DALRD3: variants seen among roughly 807,000 people sequenced by gnomAD.
DALRD3 encodes DALR anticodon-binding domain-containing protein 3.
A neutral mutation model predicts 56.7 loss-of-function variants in DALRD3; 47 were observed. The observed-to-expected ratio is 0.83, with a 90% CI of 0.66 to 1.06. DALRD3 has a LOEUF of 1.06. DALRD3 is among the 50% of genes least tolerant of loss of function. The probability of loss-of-function intolerance (pLI) is 0.00; values close to 1 mark genes in which losing one functional copy is unlikely to be tolerated. For synonymous variants in DALRD3, 347 were observed against 308.5 expected (o/e 1.12, Z -1.31); for missense variants, 787 against 724.0 (o/e 1.09, Z -1.00).
rs202009033 is a variant in DALRD3 at position 49,018,556 on chromosome 3, G to A, written c.9C>T (p.Thr3=). 1.5e-5 allele frequency: 23 copies of A among 1,571,202 alleles called. No homozygotes were observed. The African/African-American group carries it at 3.0e-4, about 21-fold the overall frequency. Residue 3 remains threonine, a synonymous_variant, in exon 1 of 12, where the codon ACC becomes ACT. Transcript: ENST00000341949. Reference sequence around the variant, plus strand: ...GCGTCTCCCCGACCCCAAGGCGCCTGGTCGCCATGGTGACCGGAAGGAGTA... The same window carrying A: ...GCGTCTCCCCGACCCCAAGGCGCCTAGTCGCCATGGTGACCGGAAGGAGTA... MA[T]RRLGVGETLG... is the part of the protein sequence containing the mutation.
At chr3:49,017,551 A>G in intron 3 of DALRD3, 38 bp from the exon 4 acceptor site, 1 of 1,614,180 alleles carries the variant, frequency 6.2e-7, no homozygotes, top group Non-Finnish European at 8.5e-7. Context: ...ACTGACAAGA[A>G]GCAGAGATGT....
upstream of DALRD3, chr3:49,020,651 G>A (rs780081963): frequency 2.0e-6 from 1 of 490,322 alleles, no homozygotes; most frequent in Admixed American, 2.2e-5. Flanking sequence ...TCCAAGCGCA[G>A]CTGGAATGCT....
In DALRD3 at chr3:49,016,823, TC is replaced by T; in HGVS notation, c.951del (p.Val319Ter). On this transcript the variant is annotated frameshift_variant, in exon 6 of 12. Coordinates refer to ENST00000341949, the MANE Select transcript of DALRD3 (RefSeq NM_001009996.3). LOFTEE classifies it high-confidence loss of function. ...LRQKHLICGP[V>X]KVAGAPGTLM... Reference sequence around the variant, plus strand: ...AGAGTGCCAGGTGCACCAGCTACTTTCACAGGGCCACAGATGAGGTGCTTCT... The same window carrying T: ...AGAGTGCCAGGTGCACCAGCTACTTTACAGGGCCACAGATGAGGTGCTTCT... 6.2e-7 allele frequency: 1 copy of T among 1,614,188 alleles called. No homozygotes were observed. The highest frequency in any genetic ancestry group is 1.1e-5 in the South Asian group (1 of 91,086).
rs762619897 is a variant in DALRD3, at chr3:49,015,722, G to C, written c.1513-15C>G. 106 of 1,613,916 alleles carry C rather than the reference G, an allele frequency of 6.6e-5. 1 individual carries two copies. The highest frequency in any genetic ancestry group is 7.9e-5 in the Non-Finnish European group (93 of 1,180,002). ...GGTCGAGGCTCCTGAAAGAGAAAGG[G>C]CCTGCTGGTCTCATCCTCTGCTTCC... On this transcript the variant is annotated splice_polypyrimidine_tract_variant and intron_variant, in intron 11 of 11. Transcript: ENST00000341949.
upstream of DALRD3, chr3:49,018,911 A>T: frequency 1.0e-6 from 1 of 985,472 alleles, no homozygotes; most frequent in Non-Finnish European, 1.2e-6. Flanking sequence ...TTTTAATAAC[A>T]TTTCATTTCT....
intron 11 of DALRD3, 28 bp from the exon 12 acceptor site, chr3:49,015,735 ATCC>A: frequency 6.2e-7 from 1 of 1,614,126 alleles, no homozygotes; most frequent in South Asian, 1.1e-5. Flanking sequence ...TGCTGGTCTC[ATCC>A]TCTGCTTCCT....
In DALRD3 at chr3:49,015,567, G is replaced by C; in HGVS notation, c.*21C>G. The C allele has an allele frequency of 6.2e-7, 1 of 1,611,494 alleles. No homozygotes were observed. The highest frequency in any genetic ancestry group is 8.5e-7 in the Non-Finnish European group (1 of 1,179,116). On this transcript the variant is annotated 3_prime_UTR_variant, in exon 12 of 12. Transcript: ENST00000341949. The stretch of plus-strand genomic sequence containing the variant: ...GTTGATGACTTTGTGAACATTCCCA[G>C]GTATTGGAGCCTCTGTGGCCTTAAA...
rs773466982 is a variant in DALRD3 at position 49,016,037 on chromosome 3, A to G, written c.1379T>C (p.Leu460Pro). The change falls in exon 10 of 12, where the codon CTG (leucine) becomes CCG (proline). Residue 460 changes from leucine to proline, a missense_variant. Physicochemically the swap from Leu to Pro is moderately conservative, Grantham distance 98 (BLOSUM62 -3). Coordinates refer to ENST00000341949, the MANE Select transcript of DALRD3 (RefSeq NM_001009996.3). ...GCAGTCCAGCACTGCTGTCCGGCTC[A>G]GCAGATCCGGAAAGGGGAGGATACT... The part of the protein sequence containing the change: ...FNSILPFPDL[L>P]SRTAVLDCTA... 1.9e-6 allele frequency: 3 copies of G among 1,601,822 alleles called. No homozygotes were observed. Among genetic ancestry groups the G allele is most frequent in the Non-Finnish European group, 2.6e-6 (3 of 1,171,508 alleles).
intron 8 of DALRD3, 43 bp from the exon 9 acceptor site, chr3:49,016,383 C>T: frequency 6.2e-7 from 1 of 1,604,616 alleles, no homozygotes; most frequent in Non-Finnish European, 8.5e-7. Context: ...AGGCAGCCAC[C>T]ACACCCTGTG....
chr3:49,017,003 A>G (rs2106730753), intron 5 of DALRD3, 156 bp from the exon 6 acceptor site: 2 of 989,460 alleles, frequency 2.0e-6, no homozygotes, highest in East Asian at 2.6e-5. Flanking sequence ...CAGGCTACGC[A>G]TGGTTCATCC....
At chr3:49,019,814 G>A (rs947886601), upstream of DALRD3, among the ~76,000 whole-genome samples, 1 of 152,202 alleles carries the variant, frequency 6.6e-6, no homozygotes, top group Non-Finnish European at 1.5e-5. Context: ...TTAACCTGGT[G>A]TGCTTTAACA....
chr3:49,016,020 G>T lies in DALRD3; in HGVS notation c.1396C>A (p.Leu466Met), dbSNP rs1169800566. The change falls in exon 10 of 12, where the codon CTG becomes ATG. Residue 466 changes from leucine to methionine, a missense_variant. By Grantham distance (15) the Leu-to-Met change is conservative. Transcript: ENST00000341949. ...FPDLLSRTAV[L>M]DCTAPGLHIA... Reference sequence around the variant, plus strand: ...TGGAGCCCCGGGGCTGTGCAGTCCAGCACTGCTGTCCGGCTCAGCAGATCC... The same window carrying T: ...TGGAGCCCCGGGGCTGTGCAGTCCATCACTGCTGTCCGGCTCAGCAGATCC... 6.2e-7 allele frequency: 1 copy of T among 1,606,208 alleles called. No individual in the cohort carries two copies. Among genetic ancestry groups the T allele is most frequent in the East Asian group, 2.2e-5 (1 of 44,760 alleles).
In DALRD3 at chr3:49,018,045, C is replaced by G; in HGVS notation, c.439G>C (p.Ala147Pro). The change falls in exon 2 of 12, where the codon GCG becomes CCG. Residue 147 changes from alanine (A) to proline (P), a missense_variant. Ala to Pro is a conservative substitution (Grantham distance 27). Coordinates refer to ENST00000341949, the MANE Select transcript of DALRD3 (RefSeq NM_001009996.3). ...LRTVLVADHL[A>P]RALRAHGVCV... Reference sequence around the variant, plus strand: ...CACCCGTGAGCGCGCAGGGCTCGCGCCAGGTGATCGGCCACGAGCACCGTA... The same window carrying G: ...CACCCGTGAGCGCGCAGGGCTCGCGGCAGGTGATCGGCCACGAGCACCGTA... 1.3e-6 allele frequency: 2 copies of G among 1,489,292 alleles called. No homozygotes were observed. Among genetic ancestry groups the G allele is most frequent in the Non-Finnish European group, 1.8e-6 (2 of 1,130,170 alleles). 92.3% of individuals were successfully genotyped at this position (1,489,292 alleles called of 1,614,324 possible). A position where few individuals can be genotyped will look rare whatever the true frequency, so the allele number is the denominator to read the frequency against.
In DALRD3 at chr3:49,016,193, CAGGAGGAA is replaced by C. The variant is rs1403471048; in HGVS notation, c.1286_1293del (p.Phe429CysfsTer11). On this transcript the variant is annotated frameshift_variant, in exon 9 of 12. Coordinates refer to ENST00000341949, the MANE Select transcript of DALRD3 (RefSeq NM_001009996.3). LOFTEE classifies it high-confidence loss of function. ...AGCAGTGAGAAGTCCAGACTGCTCA[CAGGAGGAA>C]AAGTGGGGTACAGACCTTGTTCCAT... 1.9e-6 allele frequency: 3 copies of C among 1,614,018 alleles called. No individual in the cohort carries two copies. The African/African-American group carries it at 4.0e-5, about 22-fold the overall frequency.
At chr3:49,017,042 G>T (rs2093090405) in intron 5 of DALRD3, 186 bp downstream of exon 5, 1 of 961,534 alleles carries the variant, frequency 1.0e-6, no homozygotes, top group African/African-American at 1.6e-5. Flanking sequence ...GTGTTCTTGG[G>T]ATGTGTCTAC....
At chr3:49,018,740 T>C (rs1025360147), upstream of DALRD3, 2 of 985,410 alleles carry the variant, frequency 2.0e-6, no homozygotes, top group Non-Finnish European at 2.4e-6. Context: ...TTCCGCGTGG[T>C]CCACCTGCAC....
Position 49,018,447 on chromosome 3 carries a change from A to G in DALRD3, c.118T>C (p.Phe40Leu). ...TGCAGCGCGCGGTGCGGTGCCAGAA[A>G]GTCTCGGGAACGCAGGTGGCGGGTG... ...TRTRHLRSRD[F>L]LAPHRALQAR... Residue 40 changes from phenylalanine to leucine, a missense_variant, in exon 1 of 12, where the codon TTT (phenylalanine) becomes CTT (leucine). By Grantham distance (22) the Phe-to-Leu change is conservative. Coordinates refer to ENST00000341949, the MANE Select transcript of DALRD3 (RefSeq NM_001009996.3). 1 of 1,589,128 alleles carries G rather than the reference A, an allele frequency of 6.3e-7. No homozygotes were observed. Among genetic ancestry groups the G allele is most frequent in the Non-Finnish European group, 8.6e-7 (1 of 1,168,360 alleles).
At chr3:49,018,910 C>T (rs2093126945), upstream of DALRD3, 2 of 985,442 alleles carry the variant, frequency 2.0e-6, no homozygotes, top group Non-Finnish European at 2.4e-6. Context: ...GTTTTAATAA[C>T]ATTTCATTTC....
chr3:49,020,115 T>C (rs748373082), upstream of DALRD3: 1 of 533,794 alleles, frequency 1.9e-6, no homozygotes, highest in Non-Finnish European at 3.8e-6. Context: ...GGCCCCTTTC[T>C]GGGCCAGGGC....
Sources: gnomAD v4.1 joint callset for allele counts (sites outside exome capture counted in the v4.1 genomes callset) on GRCh38, gnomAD v4.1.1 for gene constraint, MANE v1.5 for transcripts, NCBI Gene and HGNC (gene_info 2026-07-23, HGNC 2026-07-21) for gene names.